The following ANO1 variants were observed in gnomAD, a reference collection of about 807,000 sequenced individuals.
The protein encoded by ANO1 is anoctamin 1, also known as anoctamin-1.
A neutral mutation model predicts 124.0 loss-of-function variants in ANO1; 59 were observed. The ratio of observed to expected loss-of-function variants is 0.48; its 90% CI spans 0.39 to 0.59. The LOEUF is 0.59. Ranked by LOEUF, ANO1 falls within the 20% of genes least tolerant of loss-of-function variation. The probability of loss-of-function intolerance (pLI) is 0.00; values close to 1 mark genes in which losing one functional copy is unlikely to be tolerated. For synonymous variants in ANO1, 529 were observed against 532.0 expected, an observed-to-expected ratio of 0.99 and a Z score of 0.08; for missense variants, 1,059 against 1,328.0, an observed-to-expected ratio of 0.80 and a Z score of 3.15.
upstream of ANO1, among the ~76,000 whole-genome samples, chr11:70,073,533 G>A (rs147602581): frequency 5.1e-4 from 78 of 152,274 alleles, no homozygotes; most frequent in African/African-American, 1.8e-3. Context: ...GCCAAGGATG[G>A]GAAGGAGAGT....
rs576571642 is a variant in ANO1, at chr11:70,125,094, G to A, written c.962+680G>A. Among the ~76,000 whole-genome samples, 27 of 152,292 alleles carry A rather than the reference G, an allele frequency of 1.8e-4. No individual in the cohort carries two copies. The East Asian group carries it at 5.2e-3, about 29-fold the overall frequency. ...GCGGTGGCTCACGCCTGTAATCGCAGCACTTTGGGAGGCTGAGGCAGGTGG... is the reference window on the plus strand; with the variant it reads ...GCGGTGGCTCACGCCTGTAATCGCAACACTTTGGGAGGCTGAGGCAGGTGG... On this transcript the variant is annotated intron_variant, in intron 9 of 25. Coordinates refer to ENST00000355303, the MANE Select transcript of ANO1 (RefSeq NM_018043.7).
chr11:70,095,193 G>A (rs894636258), intron 2 of ANO1, among the ~76,000 whole-genome samples: 1 of 132,964 alleles, frequency 7.5e-6, no homozygotes, highest in South Asian at 2.5e-4. Flanking sequence ...TTGACAAAAT[G>A]AGACTGTCTC....
Position 70,103,664 on chromosome 11 carries a change from C to T in ANO1, c.541-335C>T, listed in dbSNP as rs566557781. Among the ~76,000 whole-genome samples the T allele has an allele frequency of 1.3e-4, 20 of 152,290 alleles. No homozygotes were observed. The East Asian group carries it at 1.4e-3, about 10-fold the overall frequency. ...TGGAGTCGGTATTTACTCTGGCAGG[C>T]GGACGGGTGAAGCCGGGCTAGGTAG... is the stretch of plus-strand genomic sequence containing the variant. On this transcript the variant is annotated intron_variant, in intron 3 of 25. Coordinates refer to ENST00000355303, the MANE Select transcript of ANO1 (RefSeq NM_018043.7).
chr11:70,040,474 C>T (rs1200722484), intron 1 of ANO1, among the ~76,000 whole-genome samples: 3 of 152,086 alleles, frequency 2.0e-5, no homozygotes, highest in African/African-American at 7.2e-5. Context: ...TAAAGGAGTT[C>T]GAGAGTGGCC....
intron 21 of ANO1, among the ~76,000 whole-genome samples, chr11:70,170,339 T>C (rs80124198): frequency 0.011 from 1,643 of 152,324 alleles, 29 homozygotes; most frequent in African/African-American, 0.037. Context: ...GCGAGGTGGC[T>C]CATGCCTGGA....
intron 22 of ANO1, among the ~76,000 whole-genome samples, chr11:70,177,572 ATTTTTCTTTTCTTTTTTTTTTCTT>A (rs1253739881): frequency 3.4e-5 from 4 of 119,098 alleles, no homozygotes; most frequent in Non-Finnish European, 5.4e-5. Flanking sequence ...AGGAGTCTCG[ATTTTTCTTTTCTTTTTTTTTTCTT>A]TTTTTTTTTT....
chr11:70,161,927 TCCAGGTGGCAGGGAAC>T (rs1171067936), intron 18 of ANO1, among the ~76,000 whole-genome samples, 194 bp downstream of exon 18: 1 of 151,290 alleles, frequency 6.6e-6, no homozygotes, highest in Non-Finnish European at 1.5e-5. Context: ...CAGCAGGGAG[TCCAGGTGGCAGGGAAC>T]CCAGGCAGTG....
chr11:70,108,278 A>G, intron 5 of ANO1, 75 bp from the exon 6 acceptor site: 1 of 1,469,170 alleles, frequency 6.8e-7, no homozygotes, highest in South Asian at 1.2e-5. Flanking sequence ...GGTCCTCTCC[A>G]GCCACAGCAG....
intron 1 of ANO1, among the ~76,000 whole-genome samples, chr11:70,066,091 C>A (rs1285264027): frequency 6.6e-6 from 1 of 152,234 alleles, no homozygotes; most frequent in Non-Finnish European, 1.5e-5. Context: ...TTGTTTATTC[C>A]GTGACCCAGC....
chr11:70,012,199 T>C (rs1158059489), intron 1 of ANO1, among the ~76,000 whole-genome samples: 1 of 151,110 alleles, frequency 6.6e-6, no homozygotes, highest in Non-Finnish European at 1.5e-5. Context: ...TGTATCTATC[T>C]ATCCATTCAT....
At chr11:70,111,917 C>A (rs2045798038) in intron 7 of ANO1, among the ~76,000 whole-genome samples, 155 bp downstream of exon 7, 1 of 152,250 alleles carries the variant, frequency 6.6e-6, no homozygotes, top group Non-Finnish European at 1.5e-5. Flanking sequence ...TTCCCTGTTC[C>A]CCGGGTGGGG....
At chr11:69,985,366 A>G (rs1856017310), upstream of ANO1, among the ~76,000 whole-genome samples, 1 of 150,028 alleles carries the variant, frequency 6.7e-6, no homozygotes, top group Non-Finnish European at 1.5e-5. Flanking sequence ...GCAGAGGCGA[A>G]TTTCTGGATT....
chr11:70,128,714 TG>T (rs1480502381), intron 10 of ANO1, among the ~76,000 whole-genome samples: 1 of 152,240 alleles, frequency 6.6e-6, no homozygotes, highest in Non-Finnish European at 1.5e-5. Flanking sequence ...CTGCTGCCCT[TG>T]TACCTCCGGT....
the ANO1 span, among the ~76,000 whole-genome samples, chr11:69,973,773 A>G: frequency 5.3e-3 from 787 of 149,388 alleles, 18 homozygotes; most frequent in African/African-American, 0.018. Context: ...TCGGGAGGCT[A>G]AGGCAGGAGA....
rs576724016 is a variant in ANO1 at position 70,021,062 on chromosome 11, G to A, written c.58+34896G>A. On this transcript the variant is annotated intron_variant, in intron 1 of 27. Transcript: ENST00000531349. ...GTGGGAATTCATATTTCTTCTGCAA[G>A]GAAGAATGACTCATATCCAAACTCA... is the stretch of plus-strand genomic sequence containing the variant. The A allele has an allele frequency of 5.9e-5, 9 of 152,264 alleles. No homozygotes were observed. The East Asian group carries it at 1.4e-3, about 23-fold the overall frequency. 9.4% of individuals were successfully genotyped at this position (152,264 alleles called of 1,614,324 possible).
chr11:70,042,971 C>T (rs1857206250), intron 1 of ANO1, among the ~76,000 whole-genome samples: 1 of 152,038 alleles, frequency 6.6e-6, no homozygotes, highest in African/African-American at 2.4e-5. Flanking sequence ...AAAAAATTAG[C>T]AGGCAAGCAA....
At chr11:70,032,699 G>T (rs557568102) in intron 1 of ANO1, among the ~76,000 whole-genome samples, 2 of 152,296 alleles carry the variant, frequency 1.3e-5, no homozygotes, top group East Asian at 3.9e-4. Flanking sequence ...CAGCTCCAGG[G>T]TCCTTGCGCT....
At chr11:70,137,076 T>C (rs1362128340) in intron 11 of ANO1, among the ~76,000 whole-genome samples, 1 of 147,474 alleles carries the variant, frequency 6.8e-6, no homozygotes, top group Non-Finnish European at 1.5e-5. Flanking sequence ...ACGTGGCTTA[T>C]TGGGAAGATT....
At chr11:70,091,130 G>A (rs943431468) in intron 2 of ANO1, among the ~76,000 whole-genome samples, 13 of 152,338 alleles carry the variant, frequency 8.5e-5, no homozygotes, top group African/African-American at 2.6e-4. Flanking sequence ...CCCTGCCAGC[G>A]TGGTTAGCAG....
Sources: gnomAD v4.1 joint callset for allele counts (sites outside exome capture counted in the v4.1 genomes callset) on GRCh38, gnomAD v4.1.1 for gene constraint, MANE v1.5 for transcripts, NCBI Gene and HGNC (gene_info 2026-07-23, HGNC 2026-07-21) for gene names.